The following SLC25A20 variants were observed in gnomAD, a reference collection of about 807,000 sequenced individuals.
SLC25A20 encodes the protein mitochondrial carnitine/acylcarnitine carrier protein.
Under a neutral mutation model 39.7 loss-of-function variants are expected in SLC25A20, and 29 were observed. The ratio of observed to expected loss-of-function variants is 0.73; its 90% confidence interval spans 0.54 to 1.00. SLC25A20 has a LOEUF of 1.00. Ranked by LOEUF, SLC25A20 falls within the 50% of genes least tolerant of loss-of-function variation. The pLI is 0.00. For synonymous variants in SLC25A20, 103 were observed against 142.2 expected (o/e 0.72, Z 1.96); for missense variants, 333 against 379.9 (o/e 0.88, Z 1.03).
intron 3 of SLC25A20, among the ~76,000 whole-genome samples, chr3:48,883,653 C>A (rs1292848775): frequency 8.5e-6 from 1 of 117,732 alleles, no homozygotes; most frequent in Non-Finnish European, 1.6e-5. Flanking sequence ...TGGAGTCTTG[C>A]TCCGTTGCTC....
intron 4 of SLC25A20, among the ~76,000 whole-genome samples, chr3:48,865,005 T>A (rs1476131695): frequency 1.3e-5 from 2 of 151,744 alleles, no homozygotes; most frequent in Non-Finnish European, 2.9e-5. Flanking sequence ...ATGCTGAGAG[T>A]AGAGGAGGTA....
intron 7 of SLC25A20, 54 bp from the exon 8 acceptor site, chr3:48,858,685 A>G (rs1281872494): frequency 5.0e-6 from 8 of 1,612,716 alleles, no homozygotes; most frequent in Non-Finnish European, 6.8e-6. Flanking sequence ...CTAGCAGTTA[A>G]GTCTTCCTGA....
At position 48,882,542 on chromosome 3, in the gene SLC25A20, T is replaced by C. The variant is rs2083802057; in HGVS notation, c.326+1455A>G. The stretch of plus-strand genomic sequence containing the variant: ...TTGGTATTACAAATCTCTCCAGTAA[T>C]TGATACTACCTTATAAAAGAAATAC... On this transcript the variant is annotated intron_variant, in intron 3 of 8. Coordinates refer to ENST00000319017, the MANE Select transcript of SLC25A20 (RefSeq NM_000387.6). Among the ~76,000 whole-genome samples, 4 of 152,096 alleles carry C rather than the reference T, an allele frequency of 2.6e-5. No homozygotes were observed. The South Asian group carries it at 8.3e-4, about 32-fold the overall frequency.
chr3:48,891,871 A>C, intron 2 of SLC25A20, 109 bp downstream of exon 2: 3 of 894,932 alleles, frequency 3.4e-6, no homozygotes, highest in Non-Finnish European at 1.9e-6. Context: ...GGCAGCTGTG[A>C]GCTAGCTGTC....
intron 3 of SLC25A20, among the ~76,000 whole-genome samples, chr3:48,881,054 C>T (rs2083792018): frequency 6.6e-6 from 1 of 152,104 alleles, no homozygotes; most frequent in African/African-American, 2.4e-5. Flanking sequence ...CAGGTCAGTC[C>T]CATCCAACAA....
At chr3:48,860,645 C>T (rs1284178977) in intron 5 of SLC25A20, among the ~76,000 whole-genome samples, 1 of 149,954 alleles carries the variant, frequency 6.7e-6, no homozygotes, top group African/African-American at 2.4e-5. Context: ...AAAATTAGCC[C>T]GGCCTGGTGG....
chr3:48,873,783 C>A (rs1412847596), intron 4 of SLC25A20, among the ~76,000 whole-genome samples: 1 of 146,942 alleles, frequency 6.8e-6, no homozygotes, highest in Non-Finnish European at 1.5e-5. Context: ...ATCGAGATCA[C>A]GGTGAAACCC....
intron 4 of SLC25A20, among the ~76,000 whole-genome samples, chr3:48,878,627 C>T (rs574700244): frequency 7.9e-4 from 120 of 151,970 alleles, no homozygotes; most frequent in African/African-American, 2.8e-3. Flanking sequence ...TGGCAAAGCC[C>T]TGTCTCTACT....
At chr3:48,894,435 A>ATT (rs781601028) in intron 1 of SLC25A20, among the ~76,000 whole-genome samples, 4 of 118,488 alleles carry the variant, frequency 3.4e-5, no homozygotes, top group East Asian at 2.5e-4. Flanking sequence ...TAACTTTTGC[A>ATT]TTTTTTTTTT....
At chr3:48,884,696 G>C (rs2083818168) in intron 2 of SLC25A20, among the ~76,000 whole-genome samples, 1 of 152,020 alleles carries the variant, frequency 6.6e-6, no homozygotes, top group Non-Finnish European at 1.5e-5. Context: ...GAAATATTTT[G>C]TGTGGAAAAT....
chr3:48,895,154 A>G (rs1280665206), intron 1 of SLC25A20, among the ~76,000 whole-genome samples: 2 of 152,172 alleles, frequency 1.3e-5, no homozygotes, highest in Non-Finnish European at 2.9e-5. Context: ...GATTACAGGT[A>G]TGCACCACCA....
chr3:48,860,162 G>A (rs9754878), intron 5 of SLC25A20, among the ~76,000 whole-genome samples: 99,255 of 151,660 alleles, frequency 0.65, 33,233 homozygotes, highest in East Asian at 0.96. Context: ...TTAGCCAGGC[G>A]TGGTGGCGGG....
chr3:48,890,651 CTTTTT>C (rs71077750), intron 2 of SLC25A20, among the ~76,000 whole-genome samples: 2 of 78,132 alleles, frequency 2.6e-5, no homozygotes, highest in African/African-American at 5.5e-5. Flanking sequence ...GCCCCCTTGT[CTTTTT>C]TTTTTTTTTT....
At position 48,879,377 on chromosome 3, in the gene SLC25A20, C is replaced by T. The variant is rs773887820; in HGVS notation, c.398G>A (p.Arg133Gln). ...CCTTACCTGTAATAAGCACTTGATC[C>T]GTTCTCCAGGAGTCATGATTCCTGT... ...FTTGIMTPGE[R>Q]IKCLLQIQAS... The change falls in exon 4 of 9, where the codon CGG becomes CAG. Residue 133 changes from arginine (R) to glutamine (Q), a missense_variant. Coordinates refer to ENST00000319017, the MANE Select transcript of SLC25A20 (RefSeq NM_000387.6). 16 of 1,612,850 alleles carry T rather than the reference C, an allele frequency of 9.9e-6. No homozygotes were observed. Among genetic ancestry groups the T allele is most frequent in the Middle Eastern group, 1.7e-4 (1 of 6,056 alleles).
chr3:48,896,072 G>A (rs2083907932), intron 1 of SLC25A20, among the ~76,000 whole-genome samples: 2 of 151,386 alleles, frequency 1.3e-5, no homozygotes, highest in Non-Finnish European at 1.5e-5. Flanking sequence ...CTCGGGAGAT[G>A]GAAGTTGCCA....
intron 4 of SLC25A20, among the ~76,000 whole-genome samples, chr3:48,872,978 C>T (rs1163975661): frequency 6.6e-6 from 1 of 152,188 alleles, no homozygotes; most frequent in Non-Finnish European, 1.5e-5. Flanking sequence ...AATCCCAGCA[C>T]TTTGGGAGGC....
intron 4 of SLC25A20, among the ~76,000 whole-genome samples, chr3:48,879,025 T>C (rs1015819182): frequency 6.6e-6 from 1 of 151,904 alleles, no homozygotes; most frequent in African/African-American, 2.4e-5. Flanking sequence ...TGCCCACCAC[T>C]ATACCTGGCT....
chr3:48,893,063 G>T (rs992968545), intron 1 of SLC25A20, among the ~76,000 whole-genome samples: 1 of 150,540 alleles, frequency 6.6e-6, no homozygotes, highest in African/African-American at 2.5e-5. Flanking sequence ...GTTTCACTCT[G>T]TCACTCAGGC....
chr3:48,872,600 C>T (rs896037321), intron 4 of SLC25A20, among the ~76,000 whole-genome samples: 5 of 150,902 alleles, frequency 3.3e-5, no homozygotes, highest in African/African-American at 1.2e-4. Flanking sequence ...CCTGTAATCC[C>T]AGCACTTTGG....
Sources: gnomAD v4.1 joint callset for allele counts (sites outside exome capture counted in the v4.1 genomes callset) on GRCh38, gnomAD v4.1.1 for gene constraint, MANE v1.5 for transcripts, NCBI Gene and HGNC (gene_info 2026-07-23, HGNC 2026-07-21) for gene names.